Variants in ERC2 observed in about 807,000 individuals in gnomAD.
ERC2 encodes the protein ERC protein 2.
In ERC2, 42 loss-of-function variants were observed where a neutral mutation model predicts 114.8. That is an observed-to-expected ratio of 0.37 (90% confidence interval 0.29 to 0.47). The LOEUF (loss-of-function observed/expected upper bound fraction) is 0.47. Among genes scored for constraint, ERC2 ranks in the 20% least tolerant of loss-of-function variants. The pLI is 0.99. For synonymous variants in ERC2, 454 were observed against 425.5 expected, an observed-to-expected ratio of 1.07 and a Z score of -0.82; for missense variants, 939 against 1,150.7, an observed-to-expected ratio of 0.82 and a Z score of 2.66.
At chr3:56,077,599 A>G (rs2077033745) in intron 7 of ERC2, among the ~76,000 whole-genome samples, 1 of 152,204 alleles carries the variant, frequency 6.6e-6, no homozygotes, top group African/African-American at 2.4e-5. Flanking sequence ...ATTCACTGAG[A>G]AAACTGTTGT....
At chr3:56,135,139 G>T (rs1364668452) in intron 6 of ERC2, among the ~76,000 whole-genome samples, 1 of 151,910 alleles carries the variant, frequency 6.6e-6, no homozygotes, top group African/African-American at 2.4e-5. Flanking sequence ...TATTAGTAGA[G>T]ATAGGGTTTC....
At chr3:55,782,366 C>A (rs1171115052) in intron 14 of ERC2, among the ~76,000 whole-genome samples, 1 of 152,152 alleles carries the variant, frequency 6.6e-6, no homozygotes, top group African/African-American at 2.4e-5. Context: ...TGCATTTCAG[C>A]AAAAAGCACC....
At chr3:55,700,698 A>G (rs1179571403) in intron 15 of ERC2, among the ~76,000 whole-genome samples, 2 of 152,182 alleles carry the variant, frequency 1.3e-5, no homozygotes, top group African/African-American at 2.4e-5. Flanking sequence ...AACTCAAACT[A>G]TTTAATCTAG....
chr3:56,390,835 C>G (rs1418046080), intron 2 of ERC2, among the ~76,000 whole-genome samples: 1 of 152,120 alleles, frequency 6.6e-6, no homozygotes, highest in African/African-American at 2.4e-5. Context: ...CCAAGATTAA[C>G]AGGAAGCACT....
chr3:56,255,137 G>A (rs957673189), intron 3 of ERC2, among the ~76,000 whole-genome samples: 1 of 152,206 alleles, frequency 6.6e-6, no homozygotes, highest in Non-Finnish European at 1.5e-5. Flanking sequence ...ACCTGTCCCT[G>A]AAGACTCTCT....
chr3:56,440,315 G>A (rs866097913), intron 1 of ERC2, among the ~76,000 whole-genome samples: 7 of 152,002 alleles, frequency 4.6e-5, no homozygotes, highest in East Asian at 1.9e-4. Context: ...AGGCCGAGGC[G>A]GGTGGATCAC....
chr3:56,062,739 C>A (rs2076297753), intron 7 of ERC2, among the ~76,000 whole-genome samples: 1 of 152,094 alleles, frequency 6.6e-6, no homozygotes, highest in East Asian at 1.9e-4. Context: ...TTGACCCTAC[C>A]TAACTTCCCA....
At chr3:56,394,666 T>A (rs1266516904) in intron 2 of ERC2, among the ~76,000 whole-genome samples, 4 of 152,154 alleles carry the variant, frequency 2.6e-5, no homozygotes, top group Non-Finnish European at 5.9e-5. Flanking sequence ...CACAATGAGA[T>A]ACCACTTAAT....
At chr3:56,132,638 A>G (rs2080272551) in intron 6 of ERC2, among the ~76,000 whole-genome samples, 1 of 151,828 alleles carries the variant, frequency 6.6e-6, no homozygotes, top group African/African-American at 2.4e-5. Context: ...CTCCGTCTCA[A>G]AAAAAAAGCA....
At chr3:55,683,942 T>C in intron 16 of ERC2, 83 bp from the exon 17 acceptor site, 3 of 1,468,842 alleles carry the variant, frequency 2.0e-6, no homozygotes, top group East Asian at 2.4e-5. Context: ...TACACCGAGA[T>C]GCACTGGAAA....
chr3:56,355,400 C>T (rs2058710708), intron 2 of ERC2, among the ~76,000 whole-genome samples: 2 of 151,660 alleles, frequency 1.3e-5, no homozygotes, highest in Admixed American at 6.6e-5. Flanking sequence ...CTCACTGCAA[C>T]CTCGACCTCC....
In ERC2 at chr3:55,754,030, TTTAG is replaced by T. The variant is rs201605561; in HGVS notation, c.2565-19116_2565-19113del. On this transcript the variant is annotated intron_variant, in intron 14 of 17. Coordinates refer to ENST00000288221, the MANE Select transcript of ERC2 (RefSeq NM_015576.3). Reference sequence around the variant, plus strand: ...ATAAATATGTAAACCATTTAGCACATTTAGTTGGTTGTATAACAAGCAGTTATTA... The same window carrying T: ...ATAAATATGTAAACCATTTAGCACATTTGGTTGTATAACAAGCAGTTATTA... Among the ~76,000 whole-genome samples the T allele has an allele frequency of 5.9e-5, 9 of 152,290 alleles. No homozygotes were observed. The East Asian group carries it at 1.5e-3, about 26-fold the overall frequency.
At chr3:56,112,354 A>C (rs2149832761) in intron 6 of ERC2, among the ~76,000 whole-genome samples, 1 of 152,182 alleles carries the variant, frequency 6.6e-6, no homozygotes, top group African/African-American at 2.4e-5. Flanking sequence ...CAAACTTTTA[A>C]GTCATATTTA....
intron 14 of ERC2, among the ~76,000 whole-genome samples, chr3:55,763,314 G>T (rs189645071): frequency 3.3e-4 from 50 of 152,330 alleles, no homozygotes; most frequent in Non-Finnish European, 8.8e-5. Context: ...GTGGAATGTG[G>T]CTTAACTTAT....
intron 17 of ERC2, among the ~76,000 whole-genome samples, chr3:55,652,159 C>T (rs1460903150): frequency 6.6e-6 from 1 of 152,038 alleles, no homozygotes; most frequent in Non-Finnish European, 1.5e-5. Flanking sequence ...GTAAATAGGA[C>T]ACATCTGCAT....
chr3:56,276,459 TAAAA>T (rs766683320), intron 3 of ERC2, among the ~76,000 whole-genome samples: 2 of 82,916 alleles, frequency 2.4e-5, no homozygotes, highest in South Asian at 8.6e-4. Context: ...CAAACTCAGC[TAAAA>T]AAAAAAAAAA....
intron 6 of ERC2, among the ~76,000 whole-genome samples, chr3:56,131,116 AT>A (rs928722551): frequency 6.6e-6 from 1 of 151,990 alleles, no homozygotes; most frequent in African/African-American, 2.4e-5. Context: ...GGTTCCCAAC[AT>A]TTTTTTTCCT....
At chr3:56,285,554 G>A (rs983579779) in intron 3 of ERC2, among the ~76,000 whole-genome samples, 1 of 152,110 alleles carries the variant, frequency 6.6e-6, no homozygotes, top group African/African-American at 2.4e-5. Context: ...ATGCTCAAAT[G>A]TCTGGCAGCC....
intron 17 of ERC2, among the ~76,000 whole-genome samples, chr3:55,636,800 G>A (rs2059975976): frequency 6.6e-6 from 1 of 152,164 alleles, no homozygotes; most frequent in African/African-American, 2.4e-5. Context: ...GCAGCCCTAC[G>A]GTTTGCAGAC....
Sources: allele counts gnomAD v4.1 joint callset (sites outside exome capture counted in the v4.1 genomes callset), GRCh38; gene constraint gnomAD v4.1.1; transcripts MANE v1.5; gene names NCBI Gene and HGNC (gene_info 2026-07-23, HGNC 2026-07-21).